Variants in GRIK2 observed in about 807,000 individuals in gnomAD.
GRIK2 encodes glutamate receptor ionotropic, kainate 2.
In GRIK2, 32 loss-of-function variants were observed where a neutral mutation model predicts 100.3. The observed-to-expected ratio is 0.32, with a 90% CI of 0.24 to 0.43. The LOEUF is 0.43. GRIK2 is among the 20% of genes least tolerant of loss of function. GRIK2 has a pLI of 1.00. For synonymous variants in GRIK2, 417 were observed against 389.4 expected (o/e 1.07, Z -0.83); for missense variants, 843 against 1,114.9 (o/e 0.76, Z 3.47).
chr6:101,678,238 T>G (rs2128340639), intron 5 of GRIK2, among the ~76,000 whole-genome samples: 1 of 152,250 alleles, frequency 6.6e-6, no homozygotes, highest in Non-Finnish European at 1.5e-5. Flanking sequence ...ATCTGGAAGG[T>G]GAGAAGCCTG....
chr6:101,514,334 C>A (rs550015590), intron 2 of GRIK2, among the ~76,000 whole-genome samples: 1 of 151,916 alleles, frequency 6.6e-6, no homozygotes, highest in African/African-American at 2.4e-5. Context: ...TAAAACGACA[C>A]GGACACACAT....
intron 5 of GRIK2, among the ~76,000 whole-genome samples, chr6:101,678,218 C>T (rs1365321988): frequency 6.6e-6 from 1 of 152,074 alleles, no homozygotes; most frequent in Non-Finnish European, 1.5e-5. Flanking sequence ...CTAACTCTCA[C>T]TATTTTGCTA....
At chr6:102,047,134 A>G (rs115345267) in intron 15 of GRIK2, among the ~76,000 whole-genome samples, 291 of 152,258 alleles carry the variant, frequency 1.9e-3, no homozygotes, top group African/African-American at 6.9e-3. Flanking sequence ...ATAGCCTGAC[A>G]TTATGCCTCA....
chr6:101,563,018 A>G (rs1037739286), intron 2 of GRIK2, among the ~76,000 whole-genome samples: 7 of 152,208 alleles, frequency 4.6e-5, no homozygotes, highest in Admixed American at 1.3e-4. Context: ...CATCAAATTC[A>G]CTAAAAAATA....
At chr6:101,566,998 CTATT>C (rs1220542517) in intron 2 of GRIK2, among the ~76,000 whole-genome samples, 1 of 150,472 alleles carries the variant, frequency 6.6e-6, no homozygotes, top group Admixed American at 6.6e-5. Context: ...AAATATATAT[CTATT>C]AAATAAAAAT....
chr6:101,578,916 A>G (rs1311267769), intron 2 of GRIK2, among the ~76,000 whole-genome samples: 1 of 152,166 alleles, frequency 6.6e-6, no homozygotes, highest in African/African-American at 2.4e-5. Flanking sequence ...GCCTGATCAT[A>G]CTGGTTTGAA....
chr6:101,707,586 GTGTGTGTGTATATATGTGTGTATA>G (rs1773408778), intron 7 of GRIK2, among the ~76,000 whole-genome samples: 1 of 132,568 alleles, frequency 7.5e-6, no homozygotes, highest in African/African-American at 3.1e-5. Flanking sequence ...ATGTGTGTGT[GTGTGTGTGTATATATGTGTGTATA>G]TATATATATA....
intron 7 of GRIK2, among the ~76,000 whole-genome samples, chr6:101,688,352 A>G (rs550470298): frequency 1.3e-5 from 2 of 151,710 alleles, no homozygotes; most frequent in Non-Finnish European, 3.0e-5. Context: ...TTACTTTGGT[A>G]CACTCTGTAT....
intron 7 of GRIK2, among the ~76,000 whole-genome samples, chr6:101,797,069 C>A (rs1780353190): frequency 6.6e-6 from 1 of 151,862 alleles, no homozygotes; most frequent in South Asian, 2.1e-4. Context: ...GTTAGATTAT[C>A]TATATGTCAG....
At chr6:101,804,385 G>A (rs1017217206) in intron 9 of GRIK2, among the ~76,000 whole-genome samples, 1 of 151,926 alleles carries the variant, frequency 6.6e-6, no homozygotes, top group Non-Finnish European at 1.5e-5. Flanking sequence ...AGAAAGAATA[G>A]CCCTGAAGGC....
intron 12 of GRIK2, among the ~76,000 whole-genome samples, chr6:101,912,717 T>C (rs1036959685): frequency 6.6e-6 from 1 of 151,554 alleles, no homozygotes; most frequent in Admixed American, 6.6e-5. Flanking sequence ...TGTTCCCACT[T>C]TTTCTGAGTG....
chr6:101,483,258 A>T (rs1277074031), intron 2 of GRIK2, among the ~76,000 whole-genome samples: 1 of 152,184 alleles, frequency 6.6e-6, no homozygotes, highest in Non-Finnish European at 1.5e-5. Context: ...TATCTTCAGA[A>T]TTTTCACTGT....
At chr6:101,415,371 T>G (rs1326018815) in intron 2 of GRIK2, among the ~76,000 whole-genome samples, 2 of 141,494 alleles carry the variant, frequency 1.4e-5, no homozygotes, top group Non-Finnish European at 3.1e-5. Context: ...ATAACTTTTT[T>G]TTTTTTTTTT....
intron 10 of GRIK2, among the ~76,000 whole-genome samples, chr6:101,821,717 G>A (rs1031602138): frequency 6.6e-6 from 1 of 152,048 alleles, no homozygotes; most frequent in Non-Finnish European, 1.5e-5. Flanking sequence ...GTAAAGAACA[G>A]ATTTGAAGAG....
At chr6:101,694,763 A>G (rs1772360087) in intron 7 of GRIK2, among the ~76,000 whole-genome samples, 1 of 151,922 alleles carries the variant, frequency 6.6e-6, no homozygotes, top group Non-Finnish European at 1.5e-5. Context: ...ATTTGGGATG[A>G]ACTAAGATGG....
chr6:101,642,204 G>A (rs2518288), intron 4 of GRIK2, among the ~76,000 whole-genome samples: 54,519 of 151,542 alleles, frequency 0.36, 10,704 homozygotes, highest in African/African-American at 0.53. Context: ...ATGTATAACA[G>A]TACCATAATC....
rs181319474 is a variant in GRIK2, at chr6:101,444,062, C to T, written c.115+44670C>T. Among the ~76,000 whole-genome samples the T allele has an allele frequency of 3.0e-3, 451 of 148,884 alleles. 2 individuals carry two copies. Among genetic ancestry groups the T allele is most frequent in the African/African-American group, 0.01 (420 of 40,424 alleles). On this transcript the variant is annotated intron_variant, in intron 2 of 16. Transcript: ENST00000369134. ...ACCGTGCCCAGCCCAGCTGATTTTCCGGGTTTTTTTGTTTGTTTGTTTGTT... is the reference window on the plus strand; with the variant it reads ...ACCGTGCCCAGCCCAGCTGATTTTCTGGGTTTTTTTGTTTGTTTGTTTGTT...
intron 14 of GRIK2, among the ~76,000 whole-genome samples, chr6:102,013,134 G>A (rs12212701): frequency 0.074 from 11,205 of 151,834 alleles, 579 homozygotes; most frequent in Middle Eastern, 0.2. Flanking sequence ...AAATTCTCAC[G>A]GTAAAGATCT....
At chr6:101,424,477 T>G (rs1776592499) in intron 2 of GRIK2, among the ~76,000 whole-genome samples, 1 of 151,854 alleles carries the variant, frequency 6.6e-6, no homozygotes, top group Non-Finnish European at 1.5e-5. Context: ...GCTTCATCCA[T>G]GTCCCTACAA....
Sources: allele counts gnomAD v4.1 joint callset (sites outside exome capture counted in the v4.1 genomes callset), GRCh38; gene constraint gnomAD v4.1.1; transcripts MANE v1.5; gene names NCBI Gene and HGNC (gene_info 2026-07-23, HGNC 2026-07-21).